The following PLPP1 variants were observed in gnomAD, a reference collection of about 807,000 sequenced individuals.
PLPP1 encodes lipid phosphate phosphohydrolase 1a.
In PLPP1, 24 loss-of-function variants were observed where a neutral mutation model predicts 31.2. The observed-to-expected ratio is 0.77, with a 90% confidence interval of 0.56 to 1.08. The LOEUF (loss-of-function observed/expected upper bound fraction) is 1.08. PLPP1 is among the 50% of genes least tolerant of loss of function. The probability of loss-of-function intolerance (pLI) is 0.00; values close to 1 mark genes in which losing one functional copy is unlikely to be tolerated. For missense variants in PLPP1, 319 were observed against 342.7 expected (o/e 0.93, Z 0.55); for synonymous variants, 146 against 126.3 (o/e 1.16, Z -1.05).
intron 3 of PLPP1, among the ~76,000 whole-genome samples, chr5:55,451,797 G>A (rs538295631): frequency 3.4e-4 from 51 of 152,204 alleles, no homozygotes; most frequent in African/African-American, 1.0e-3. Flanking sequence ...TCCTGACCTC[G>A]TGATCTGCCC....
chr5:55,530,265 T>A, intron 1 of PLPP1: 1 of 1,508,616 alleles, frequency 6.6e-7, no homozygotes, highest in South Asian at 1.1e-5. Context: ...CTGATTTAGA[T>A]GACTAACGAA....
chr5:55,487,768 C>T (rs540704659), intron 1 of PLPP1, among the ~76,000 whole-genome samples: 1 of 152,168 alleles, frequency 6.6e-6, no homozygotes, highest in East Asian at 1.9e-4. Flanking sequence ...GCAAGAATTC[C>T]TTCCTGCACA....
At chr5:55,443,212 T>TATATATATATATATATATAC (rs1169152710) in intron 3 of PLPP1, among the ~76,000 whole-genome samples, 19 of 104,994 alleles carry the variant, frequency 1.8e-4, no homozygotes, top group Non-Finnish European at 2.7e-4. Context: ...TATATATATA[T>TATATATATATATATATATAC]ACACACACAC....
chr5:55,447,243 T>C (rs931660720), intron 3 of PLPP1, among the ~76,000 whole-genome samples: 37 of 152,330 alleles, frequency 2.4e-4, no homozygotes, highest in Non-Finnish European at 1.2e-4. Context: ...ATCAGTCACT[T>C]TACTAACAGA....
intron 1 of PLPP1, among the ~76,000 whole-genome samples, chr5:55,518,257 A>G (rs986740422): frequency 6.6e-6 from 1 of 152,338 alleles, no homozygotes; most frequent in East Asian, 1.9e-4. Flanking sequence ...TTAAGTATGT[A>G]GATTATCCAG....
chr5:55,529,935 A>T (rs529208014), intron 1 of PLPP1, among the ~76,000 whole-genome samples: 1 of 152,232 alleles, frequency 6.6e-6, no homozygotes, highest in African/African-American at 2.4e-5. Context: ...CATTAGTGAA[A>T]CATCTTTTAC....
At chr5:55,441,096 A>T (rs1468712391) in intron 4 of PLPP1, among the ~76,000 whole-genome samples, 1 of 152,224 alleles carries the variant, frequency 6.6e-6, no homozygotes, top group African/African-American at 2.4e-5. Context: ...ATAAAAAAAT[A>T]AAAATCAAGT....
intron 3 of PLPP1, among the ~76,000 whole-genome samples, chr5:55,453,636 A>AT (rs1751941016): frequency 6.6e-6 from 1 of 152,182 alleles, no homozygotes; most frequent in Admixed American, 6.5e-5. Flanking sequence ...CCTGTTATAA[A>AT]TTTTTTAAAA....
intron 1 of PLPP1, among the ~76,000 whole-genome samples, chr5:55,495,880 A>T (rs540593390): frequency 3.0e-4 from 46 of 152,212 alleles, no homozygotes; most frequent in African/African-American, 1.1e-3. Context: ...TTTGAGACAG[A>T]GTCTTGCTCT....
intron 1 of PLPP1, among the ~76,000 whole-genome samples, chr5:55,492,987 A>C (rs1433625449): frequency 6.6e-6 from 1 of 152,102 alleles, no homozygotes; most frequent in Non-Finnish European, 1.5e-5. Context: ...TAAAAACCTC[A>C]CTCAGTATAA....
chr5:55,524,443 T>C (rs1753738435), intron 1 of PLPP1, among the ~76,000 whole-genome samples: 1 of 152,224 alleles, frequency 6.6e-6, no homozygotes, highest in African/African-American at 2.4e-5. Flanking sequence ...TTGCTGCCTG[T>C]TTAATCGCCA....
chr5:55,439,849 G>A (rs1751583523), intron 4 of PLPP1, among the ~76,000 whole-genome samples: 1 of 152,176 alleles, frequency 6.6e-6, no homozygotes, highest in Admixed American at 6.5e-5. Context: ...TACAAACAGT[G>A]GGTCAAAGTT....
intron 3 of PLPP1, among the ~76,000 whole-genome samples, chr5:55,458,916 A>AAAAC (rs1752087974): frequency 2.1e-5 from 3 of 146,328 alleles, no homozygotes; most frequent in Non-Finnish European, 4.5e-5. Flanking sequence ...AAAAAAAAAA[A>AAAAC]CACATAGCAA....
intron 1 of PLPP1, among the ~76,000 whole-genome samples, chr5:55,489,066 C>T (rs1239954951): frequency 3.3e-5 from 5 of 151,858 alleles, no homozygotes; most frequent in Non-Finnish European, 5.9e-5. Flanking sequence ...GGCATGGCAG[C>T]GCACGCCTAT....
At chr5:55,484,970 T>C (rs914072620) in intron 1 of PLPP1, 5 of 152,128 alleles carry the variant, frequency 3.3e-5, no homozygotes, top group Admixed American at 1.3e-4. Flanking sequence ...CTTGATGACA[T>C]TGGGAGAGGA....
intron 1 of PLPP1, among the ~76,000 whole-genome samples, chr5:55,513,613 TATA>T (rs1334416907): frequency 6.6e-6 from 1 of 152,126 alleles, no homozygotes; most frequent in Admixed American, 6.5e-5. Context: ...CTAATGCTCT[TATA>T]AAAATTCTAG....
chr5:55,506,369 G>A (rs1753279908), intron 1 of PLPP1, among the ~76,000 whole-genome samples: 1 of 151,272 alleles, frequency 6.6e-6, no homozygotes, highest in Admixed American at 6.6e-5. Flanking sequence ...TGAACACTAA[G>A]GCAGATAATC....
chr5:55,447,314 G>A (rs1004568502), intron 3 of PLPP1, among the ~76,000 whole-genome samples: 2 of 152,168 alleles, frequency 1.3e-5, no homozygotes, highest in African/African-American at 4.8e-5. Flanking sequence ...GCTCAAAAAT[G>A]TTTCAAATTA....
chr5:55,460,859 AAATG>A (rs571139524), intron 3 of PLPP1, among the ~76,000 whole-genome samples: 7 of 152,156 alleles, frequency 4.6e-5, no homozygotes, highest in Non-Finnish European at 8.8e-5. Flanking sequence ...TTAATTAAAT[AAATG>A]AATGAATGAA....
Sources: allele counts gnomAD v4.1 joint callset (sites outside exome capture counted in the v4.1 genomes callset), GRCh38; gene constraint gnomAD v4.1.1; transcripts MANE v1.5; gene names NCBI Gene and HGNC (gene_info 2026-07-23, HGNC 2026-07-21).